Variants in IQCM observed in about 807,000 individuals in gnomAD.
IQCM encodes the protein IQ motif containing M.
IQCM carries 45 observed loss-of-function variants against 57.6 expected under a neutral mutation model. The observed-to-expected ratio is 0.78, with a 90% CI of 0.62 to 1.00. The LOEUF (loss-of-function observed/expected upper bound fraction) is 1.00, where lower values mean the gene tolerates loss of function less well. Ranked by LOEUF, IQCM falls within the 50% of genes least tolerant of loss-of-function variation. IQCM has a pLI of 0.00. For synonymous variants in IQCM, 148 were observed against 158.9 expected (o/e 0.93, Z 0.51); for missense variants, 468 against 511.6 (o/e 0.91, Z 0.82).
At chr4:149,475,046 G>A (rs1231209238) in intron 12 of IQCM, among the ~76,000 whole-genome samples, 1 of 152,120 alleles carries the variant, frequency 6.6e-6, no homozygotes, top group East Asian at 1.9e-4. Flanking sequence ...GGGTTTTTAG[G>A]AAAGACATAA....
intron 12 of IQCM, among the ~76,000 whole-genome samples, chr4:149,478,971 T>C (rs915723222): frequency 1.2e-4 from 1 of 8,122 alleles, no homozygotes; most frequent in African/African-American, 1.5e-4. Flanking sequence ...CCCCAAATTC[T>C]TAACAAATCA....
At chr4:149,727,229 T>C (rs6832401) in intron 5 of IQCM, among the ~76,000 whole-genome samples, 62,462 of 151,976 alleles carry the variant, frequency 0.41, 14,826 homozygotes, top group African/African-American at 0.63. Context: ...ACCTATTTGA[T>C]GCTTTGATTT....
intron 10 of IQCM, among the ~76,000 whole-genome samples, chr4:149,553,917 C>G (rs1368166928): frequency 3.3e-5 from 5 of 152,056 alleles, no homozygotes; most frequent in Admixed American, 6.5e-5. Flanking sequence ...TAAATATTTA[C>G]CTATTTCAAA....
chr4:149,578,595 C>T (rs1395601550), intron 9 of IQCM, among the ~76,000 whole-genome samples: 1 of 151,782 alleles, frequency 6.6e-6, no homozygotes, highest in Non-Finnish European at 1.5e-5. Context: ...GCTGACTCTA[C>T]CTACTCCCAT....
intron 2 of IQCM, among the ~76,000 whole-genome samples, chr4:149,782,871 T>C (rs557317058): frequency 2.6e-5 from 4 of 152,272 alleles, no homozygotes; most frequent in African/African-American, 9.6e-5. Flanking sequence ...TCTCTCATGG[T>C]TCTCTTTCAC....
chr4:149,580,054 C>T (rs543327660), intron 9 of IQCM, among the ~76,000 whole-genome samples: 1 of 151,836 alleles, frequency 6.6e-6, no homozygotes, highest in East Asian at 2.0e-4. Flanking sequence ...TATTTAAATG[C>T]AGTATTTCAG....
chr4:149,766,502 C>A (rs1046425203), intron 2 of IQCM, among the ~76,000 whole-genome samples: 1 of 152,068 alleles, frequency 6.6e-6, no homozygotes, highest in Admixed American at 6.6e-5. Context: ...CCAGATACCC[C>A]TCCCTTGCAT....
intron 12 of IQCM, among the ~76,000 whole-genome samples, chr4:149,447,643 T>C (rs540066318): frequency 3.3e-5 from 5 of 151,724 alleles, no homozygotes; most frequent in African/African-American, 7.2e-5. Context: ...CAGTGAGCTG[T>C]GGAACCAACA....
At chr4:149,636,585 C>A (rs992772642) in intron 7 of IQCM, among the ~76,000 whole-genome samples, 2 of 152,058 alleles carry the variant, frequency 1.3e-5, no homozygotes, top group Non-Finnish European at 2.9e-5. Context: ...ACATGCCCCA[C>A]CTCTACACTG....
chr4:149,675,632 G>T (rs1385634128), intron 7 of IQCM, among the ~76,000 whole-genome samples: 1 of 152,034 alleles, frequency 6.6e-6, no homozygotes, highest in African/African-American at 2.4e-5. Context: ...TGGGGTTTTA[G>T]TGATCGCAGG....
intron 12 of IQCM, among the ~76,000 whole-genome samples, chr4:149,527,997 T>G (rs1335469803): frequency 2.0e-5 from 3 of 151,692 alleles, no homozygotes; most frequent in Admixed American, 6.6e-5. Flanking sequence ...TGTTTTTTTT[T>G]TTTTTTGAGA....
chr4:149,410,235 C>A (rs978457054), intron 13 of IQCM, among the ~76,000 whole-genome samples: 3 of 151,958 alleles, frequency 2.0e-5, no homozygotes, highest in African/African-American at 7.2e-5. Context: ...TTCTCACAGC[C>A]AAAAGGTCCC....
At chr4:149,462,207 A>G (rs1462588675) in intron 12 of IQCM, among the ~76,000 whole-genome samples, 1 of 152,164 alleles carries the variant, frequency 6.6e-6, no homozygotes, top group Non-Finnish European at 1.5e-5. Flanking sequence ...CACTTCTAAC[A>G]TAAGCCCAAG....
chr4:149,644,279 T>G (rs1219511703), intron 7 of IQCM, among the ~76,000 whole-genome samples: 2 of 152,192 alleles, frequency 1.3e-5, no homozygotes, highest in African/African-American at 4.8e-5. Context: ...GCTACCACCC[T>G]AGAATCCTTC....
chr4:149,753,551 A>C (rs1768666019), intron 2 of IQCM, among the ~76,000 whole-genome samples: 1 of 152,002 alleles, frequency 6.6e-6, no homozygotes, highest in South Asian at 2.1e-4. Flanking sequence ...TAGAGAAAGA[A>C]AGATGAAATA....
At chr4:149,352,213 C>G (rs539669378) in intron 13 of IQCM, 147 bp from the exon 14 acceptor site, 16 of 391,656 alleles carry the variant, frequency 4.1e-5, no homozygotes, top group Non-Finnish European at 3.1e-5. Flanking sequence ...TCATTTCCTT[C>G]GGGTGTAGTG....
At chr4:149,412,539 C>T (rs545306099) in intron 13 of IQCM, among the ~76,000 whole-genome samples, 1 of 152,124 alleles carries the variant, frequency 6.6e-6, no homozygotes, top group African/African-American at 2.4e-5. Flanking sequence ...CTTCTACTCA[C>T]TCATTCAAAA....
chr4:149,639,715 G>A (rs1758024192), intron 7 of IQCM, among the ~76,000 whole-genome samples: 1 of 152,088 alleles, frequency 6.6e-6, no homozygotes, highest in South Asian at 2.1e-4. Flanking sequence ...GATCCCAGGA[G>A]TTTGAGACCA....
intron 12 of IQCM, among the ~76,000 whole-genome samples, chr4:149,547,573 T>C (rs1348078855): frequency 1.3e-5 from 2 of 152,292 alleles, no homozygotes; most frequent in African/African-American, 4.8e-5. Context: ...GGGGATCTAA[T>C]GTACAGCATG....
Sources: gnomAD v4.1 joint callset for allele counts (sites outside exome capture counted in the v4.1 genomes callset) on GRCh38, gnomAD v4.1.1 for gene constraint, MANE v1.5 for transcripts, NCBI Gene and HGNC (gene_info 2026-07-23, HGNC 2026-07-21) for gene names.